NUCB1: variants seen among roughly 807,000 people sequenced by gnomAD.
The protein encoded by NUCB1 is nucleobindin 1, also known as nucleobindin-1.
NUCB1 carries 47 observed loss-of-function variants against 61.2 expected under a neutral mutation model. That is an observed-to-expected ratio of 0.77 (90% CI 0.61 to 0.98). NUCB1 has a LOEUF of 0.98. Ranked by LOEUF, NUCB1 falls within the 50% of genes least tolerant of loss-of-function variation. NUCB1 has a pLI of 0.00. For synonymous variants in NUCB1, 234 were observed against 243.1 expected, an observed-to-expected ratio of 0.96 and a Z score of 0.35; for missense variants, 583 against 605.3, an observed-to-expected ratio of 0.96 and a Z score of 0.39.
chr19:48,922,097 G>T (rs1042012139), intron 12 of NUCB1, among the ~76,000 whole-genome samples, 165 bp downstream of exon 12: 1 of 151,734 alleles, frequency 6.6e-6, no homozygotes, highest in East Asian at 1.9e-4. Context: ...TGGGTCTGAG[G>T]GAGGAGGGGC....
chr19:48,907,272 C>CTT (rs1234696613), intron 4 of NUCB1, among the ~76,000 whole-genome samples: 6 of 122,490 alleles, frequency 4.9e-5, no homozygotes, highest in Non-Finnish European at 6.9e-5. Context: ...CGCGCCTGGC[C>CTT]TTTTTTTTTT....
At chr19:48,917,048 C>T (rs1285710392) in intron 7 of NUCB1, among the ~76,000 whole-genome samples, 1 of 151,880 alleles carries the variant, frequency 6.6e-6, no homozygotes, top group African/African-American at 2.4e-5. Flanking sequence ...GGCAAAACCC[C>T]ATCTCTATGA....
chr19:48,921,201 T>G lies in NUCB1; in HGVS notation c.1050T>G (p.Phe350Leu). The G allele has an allele frequency of 6.2e-7, 1 of 1,613,238 alleles. No individual in the cohort carries two copies. The highest frequency in any genetic ancestry group is 1.1e-5 in the South Asian group (1 of 91,050). ...PAYTEEELRR[F>L]EEELAAREAE... ...ACACCGAGGAAGAGCTGAGGCGCTT[T>G]GAAGAGGAGCTGGCTGCCCGGGAGG... Residue 350 changes from phenylalanine (F) to leucine (L), a missense_variant, in exon 11 of 13, where the codon TTT becomes TTG. By Grantham distance (22) the Phe-to-Leu change is conservative. Coordinates refer to ENST00000405315, the MANE Select transcript of NUCB1 (RefSeq NM_006184.6).
rs1438017453 is a variant in NUCB1 at position 48,905,831 on chromosome 19, G to A, written c.322G>A (p.Val108Met). Reference protein sequence around the residue: ...TKLDELKRQEVSRLRMLLKAK... With the variant: ...TKLDELKRQEMSRLRMLLKAK... ...GCTGGATGAGCTCAAGCGACAGGAG[G>A]TGTCACGGCTGCGGATGCTGCTCAA... Residue 108 changes from valine (V) to methionine (M), a missense_variant, in exon 4 of 13, where the codon GTG becomes ATG. Coordinates refer to ENST00000405315, the MANE Select transcript of NUCB1 (RefSeq NM_006184.6). The A allele has an allele frequency of 1.9e-6, 3 of 1,611,562 alleles. No homozygotes were observed. Among genetic ancestry groups the A allele is most frequent in the Non-Finnish European group, 2.5e-6 (3 of 1,178,594 alleles).
rs751890740 is a variant in NUCB1 at position 48,901,062 on chromosome 19, C to A, written c.135+131C>A. ...ACAGTTGTAGCTTGTTTTTTGCCCACCATTCCTCCCAGCAGCAGGGGTTTG... is the reference window on the plus strand; with the variant it reads ...ACAGTTGTAGCTTGTTTTTTGCCCAACATTCCTCCCAGCAGCAGGGGTTTG... On this transcript the variant is annotated intron_variant, in intron 2 of 12. Coordinates refer to ENST00000405315, the MANE Select transcript of NUCB1 (RefSeq NM_006184.6). 4.7e-6 allele frequency: 5 copies of A among 1,068,548 alleles called. No individual in the cohort carries two copies. In the African/African-American group the frequency reaches 7.8e-5, roughly 17 times the overall value. 66.2% of individuals were successfully genotyped at this position (1,068,548 alleles called of 1,614,324 possible). A position where few individuals can be genotyped will look rare whatever the true frequency, so the allele number is the denominator to read the frequency against.
At chr19:48,912,325 C>T (rs987014542) in intron 5 of NUCB1, among the ~76,000 whole-genome samples, 13 of 152,226 alleles carry the variant, frequency 8.5e-5, no homozygotes, top group Middle Eastern at 3.4e-3. Context: ...CTCTCCTAGT[C>T]TGACCTTATG....
At position 48,913,506 on chromosome 19, in the gene NUCB1, G is replaced by C; in HGVS notation, c.699G>C (p.Glu233Asp). Residue 233 changes from glutamate to aspartate, a missense_variant, in exon 7 of 13, where the codon GAG (glutamate) becomes GAC (aspartate). Physicochemically the swap from Glu to Asp is conservative, Grantham distance 45. Coordinates refer to ENST00000405315, the MANE Select transcript of NUCB1 (RefSeq NM_006184.6). ...AAGCCCAGTTGAAGGAGGTGTGGGA[G>C]GAGCTGGATGGACTGGACCCCAACA... ...GSQAQLKEVW[E>D]ELDGLDPNRF... 1 of 1,614,196 alleles carries C rather than the reference G, an allele frequency of 6.2e-7. No homozygotes were observed. The highest frequency in any genetic ancestry group is 8.5e-7 in the Non-Finnish European group (1 of 1,180,026).
At chr19:48,909,246 A>T (rs979340601) in intron 4 of NUCB1, among the ~76,000 whole-genome samples, 13 of 130,850 alleles carry the variant, frequency 9.9e-5, no homozygotes, top group African/African-American at 2.4e-4. Flanking sequence ...TATTATTATT[A>T]TTATTTTTTT....
At chr19:48,918,914 CA>C (rs34975127) in intron 8 of NUCB1, 115 bp from the exon 9 acceptor site, 141,888 of 1,324,090 alleles carry the variant, frequency 0.11, 8,660 homozygotes, top group African/African-American at 0.19. Context: ...GCCCCTGGGG[CA>C]AAAACGGCTC....
intron 12 of NUCB1, 152 bp downstream of exon 12, chr19:48,922,084 T>C (rs12974483): frequency 0.67 from 451,704 of 678,002 alleles, 156,626 homozygotes; most frequent in Non-Finnish European, 0.73. Context: ...GGGTCCGGAC[T>C]CCTGGGTCTG....
intron 4 of NUCB1, among the ~76,000 whole-genome samples, chr19:48,909,562 A>T (rs1221395864): frequency 2.6e-5 from 4 of 151,208 alleles, no homozygotes; most frequent in African/African-American, 9.7e-5. Context: ...TTATTTTGAG[A>T]CAGGGTTTCA....
chr19:48,904,052 T>G (rs1600052066), intron 2 of NUCB1, among the ~76,000 whole-genome samples: 1 of 151,448 alleles, frequency 6.6e-6, no homozygotes, highest in African/African-American at 2.4e-5. Context: ...GATGGGTGGG[T>G]GGATGCATGG....
rs1244280926 is a variant in NUCB1, at chr19:48,921,289, G to A, written c.1138G>A (p.Gly380Ser). The A allele has an allele frequency of 5.6e-6, 9 of 1,598,006 alleles. No individual in the cohort carries two copies. In the Admixed American group the frequency reaches 1.6e-4, roughly 28 times the overall value. ...QETEALGRSQ[G>S]RLEAQKRELQ... ...GACAGAGGCTCTAGGGCGGTCCCAGGGCCGCCTGGAGGCCCAGAAGAGAGA... is the reference window on the plus strand; with the variant it reads ...GACAGAGGCTCTAGGGCGGTCCCAGAGCCGCCTGGAGGCCCAGAAGAGAGA... The change falls in exon 11 of 13, where the codon GGC (glycine) becomes AGC (serine). Residue 380 changes from glycine (G) to serine (S), a missense_variant. Coordinates refer to ENST00000405315, the MANE Select transcript of NUCB1 (RefSeq NM_006184.6).
chr19:48,905,595 C>T (rs908768623), intron 3 of NUCB1, among the ~76,000 whole-genome samples, 158 bp from the exon 4 acceptor site: 2 of 152,098 alleles, frequency 1.3e-5, no homozygotes, highest in South Asian at 2.1e-4. Context: ...GCCAGGCTGA[C>T]GGGCTGGGAG....
At chr19:48,900,985 C>T (rs2037348473) in intron 2 of NUCB1, 54 bp downstream of exon 2, 10 of 1,604,136 alleles carry the variant, frequency 6.2e-6, no homozygotes, top group Non-Finnish European at 8.5e-6. Flanking sequence ...TACTACAGCT[C>T]CTGCAGACCC....
chr19:48,919,287 G>A lies in NUCB1; in HGVS notation c.1002+1G>A. On this transcript the variant is annotated splice_donor_variant, in intron 10 of 12. Coordinates refer to ENST00000405315, the MANE Select transcript of NUCB1 (RefSeq NM_006184.6). LOFTEE classifies it high-confidence loss of function. ...TGGGGACACCGGGGAGGGCTGGGAG[G>A]TGAGAACATGGGGGATACTCGGGGT... The A allele has an allele frequency of 6.2e-7, 1 of 1,610,966 alleles. No homozygotes were observed. The highest frequency in any genetic ancestry group is 8.5e-7 in the Non-Finnish European group (1 of 1,177,342).
chr19:48,919,584 TCTC>T (rs1186488146), intron 10 of NUCB1, among the ~76,000 whole-genome samples: 14 of 150,376 alleles, frequency 9.3e-5, no homozygotes, highest in Non-Finnish European at 3.0e-5. Flanking sequence ...TTCAAGCAAT[TCTC>T]CTGGCTCATC....
chr19:48,906,995 G>A (rs1232270482), intron 4 of NUCB1, among the ~76,000 whole-genome samples: 1 of 143,022 alleles, frequency 7.0e-6, no homozygotes, highest in African/African-American at 2.7e-5. Flanking sequence ...TTTTTTTTGA[G>A]ACAGAGTCTC....
At chr19:48,918,969 T>C in intron 8 of NUCB1, 61 bp from the exon 9 acceptor site, 1 of 1,533,652 alleles carries the variant, frequency 6.5e-7, no homozygotes, top group South Asian at 1.1e-5. Flanking sequence ...GAGTTGAAGT[T>C]GTCGGGAATG....
Sources: gnomAD v4.1 joint callset for allele counts (sites outside exome capture counted in the v4.1 genomes callset) on GRCh38, gnomAD v4.1.1 for gene constraint, MANE v1.5 for transcripts, NCBI Gene and HGNC (gene_info 2026-07-23, HGNC 2026-07-21) for gene names.